Variants in WWOX observed in about 807,000 individuals in gnomAD.
The protein encoded by WWOX is WW domain containing oxidoreductase, also known as WW domain-containing oxidoreductase.
In WWOX, 69 loss-of-function variants were observed where a neutral mutation model predicts 46.2. That is an observed-to-expected ratio of 1.49 (90% CI 1.23 to 1.82). The LOEUF (loss-of-function observed/expected upper bound fraction) is 1.82. Ranked by LOEUF, WWOX falls within the 40% of genes most tolerant of loss-of-function variation. The probability of loss-of-function intolerance (pLI) is 0.00; values close to 1 mark genes in which losing one functional copy is unlikely to be tolerated. For missense variants in WWOX, 919 were observed against 542.6 expected, an observed-to-expected ratio of 1.69 and a Z score of -6.89; for synonymous variants, 359 against 202.6, an observed-to-expected ratio of 1.77 and a Z score of -6.56.
At chr16:78,963,825 C>G (rs921195475) in intron 8 of WWOX, among the ~76,000 whole-genome samples, 8 of 152,142 alleles carry the variant, frequency 5.3e-5, no homozygotes, top group African/African-American at 9.7e-5. Context: ...TAACTTGAAT[C>G]GTATCTCCCA....
rs370782287 is a variant in WWOX at position 79,028,067 on chromosome 16, C to G, written c.1057-183541C>G. On this transcript the variant is annotated intron_variant, in intron 8 of 8. Coordinates refer to ENST00000566780, the MANE Select transcript of WWOX (RefSeq NM_016373.4). ...CCTGGGTTCACGCCATTCTCCTGCT[C>G]TGCCTCCCGAGTAGCTGAGACTACA... Among the ~76,000 whole-genome samples the G allele has an allele frequency of 3.6e-4, 55 of 151,894 alleles. 3 individuals carry two copies. The highest frequency in any genetic ancestry group is 1.2e-3 in the African/African-American group (51 of 41,176).
chr16:78,305,768 G>A (rs1487893858), intron 5 of WWOX, among the ~76,000 whole-genome samples: 1 of 152,208 alleles, frequency 6.6e-6, no homozygotes, highest in African/African-American at 2.4e-5. Context: ...GTTCAAGTTA[G>A]TTTGAAATGA....
chr16:78,809,760 G>A (rs2142700022), intron 8 of WWOX, among the ~76,000 whole-genome samples: 1 of 152,284 alleles, frequency 6.6e-6, no homozygotes, highest in African/African-American at 2.4e-5. Context: ...AGCTTAGCTG[G>A]GACAGGAAGA....
intron 8 of WWOX, among the ~76,000 whole-genome samples, chr16:78,715,222 A>G (rs1164608948): frequency 6.6e-6 from 1 of 152,302 alleles, no homozygotes; most frequent in African/African-American, 2.4e-5. Flanking sequence ...TAAAGAAAAC[A>G]CAAGTAAAGC....
At chr16:78,936,390 G>A (rs2045738022) in intron 8 of WWOX, among the ~76,000 whole-genome samples, 2 of 152,088 alleles carry the variant, frequency 1.3e-5, no homozygotes, top group African/African-American at 4.8e-5. Flanking sequence ...CCCAAGCTTT[G>A]CATGATCTCC....
chr16:78,274,162 TG>T lies in WWOX; in HGVS notation c.516+109874del, dbSNP rs1254227467. Among the ~76,000 whole-genome samples, 103 of 152,246 alleles carry T rather than the reference TG, an allele frequency of 6.8e-4. 2 individuals carry two copies. Among genetic ancestry groups the T allele is most frequent in the Admixed American group, 6.7e-3 (102 of 15,296 alleles). ...GTCTCCCCAAACACTGCTTGCTTTT[TG>T]TTCCTTTCTTGCTCTTCCTTCTGAT... On this transcript the variant is annotated intron_variant, in intron 5 of 8. Transcript: ENST00000566780.
intron 5 of WWOX, among the ~76,000 whole-genome samples, chr16:78,234,271 G>C (rs1200265429): frequency 2.0e-5 from 3 of 152,022 alleles, no homozygotes; most frequent in Non-Finnish European, 2.9e-5. Context: ...TCCAGTCTAG[G>C]TTATTATACT....
chr16:79,211,474 C>A, intron 8 of WWOX, 134 bp from the exon 9 acceptor site: 1 of 1,115,946 alleles, frequency 9.0e-7, no homozygotes, highest in Non-Finnish European at 1.3e-6. Flanking sequence ...AGCCCAGTAC[C>A]CTTTGCTATG....
intron 5 of WWOX, among the ~76,000 whole-genome samples, chr16:78,370,820 C>T (rs1247719264): frequency 1.4e-5 from 2 of 144,080 alleles, no homozygotes; most frequent in East Asian, 2.0e-4. Flanking sequence ...TCTTAACCCC[C>T]TTCCAGTTTT....
chr16:78,704,587 C>T (rs891175797), intron 8 of WWOX, among the ~76,000 whole-genome samples: 1 of 152,096 alleles, frequency 6.6e-6, no homozygotes, highest in Admixed American at 6.6e-5. Context: ...TTTGAAATTT[C>T]CATTAGGAGA....
At chr16:78,363,190 G>T (rs1484881994) in intron 5 of WWOX, among the ~76,000 whole-genome samples, 1 of 152,070 alleles carries the variant, frequency 6.6e-6, no homozygotes, top group East Asian at 1.9e-4. Flanking sequence ...ACCGTGCTGT[G>T]TGAATTGTGG....
intron 8 of WWOX, among the ~76,000 whole-genome samples, chr16:78,536,339 G>GGGTGT (rs2043758559): frequency 6.6e-6 from 1 of 151,948 alleles, no homozygotes; most frequent in African/African-American, 2.4e-5. Flanking sequence ...CCCTCCTGAA[G>GGGTGT]GGTGTGATCA....
intron 8 of WWOX, among the ~76,000 whole-genome samples, chr16:78,790,611 C>G (rs968421434): frequency 1.3e-5 from 2 of 152,188 alleles, no homozygotes; most frequent in Admixed American, 6.5e-5. Flanking sequence ...TGTTTTCTCT[C>G]TGGCAGATTA....
chr16:78,427,836 C>G (rs114302915), intron 7 of WWOX, among the ~76,000 whole-genome samples: 1 of 151,926 alleles, frequency 6.6e-6, no homozygotes, highest in Non-Finnish European at 1.5e-5. Flanking sequence ...CACAGTGTCT[C>G]ACGCCTGTAA....
chr16:78,680,305 A>G (rs2047698907), intron 8 of WWOX, among the ~76,000 whole-genome samples: 1 of 152,106 alleles, frequency 6.6e-6, no homozygotes, highest in Non-Finnish European at 1.5e-5. Flanking sequence ...GCTACTCAGA[A>G]GGCTGAGGTG....
At position 78,775,006 on chromosome 16, in the gene WWOX, T is replaced by A. The variant is rs117710687; in HGVS notation, c.1056+342254T>A. The stretch of plus-strand genomic sequence containing the variant: ...CTGCAGGTAGAACTAGAAAGGTAGG[T>A]AAGTTGGGCAGATGGCGAGAGACAT... On this transcript the variant is annotated intron_variant, in intron 8 of 8. Transcript: ENST00000566780. Among the ~76,000 whole-genome samples, 444 of 152,070 alleles carry A rather than the reference T, an allele frequency of 2.9e-3. 12 individuals are homozygous for A. The East Asian group carries it at 0.064, about 22-fold the overall frequency.
chr16:78,637,031 C>T (rs1247434180), intron 8 of WWOX, among the ~76,000 whole-genome samples: 1 of 152,178 alleles, frequency 6.6e-6, no homozygotes, highest in African/African-American at 2.4e-5. Flanking sequence ...TCAAGCTGTC[C>T]AATCCCTGCT....
chr16:78,933,839 G>A (rs1567659288), intron 8 of WWOX, among the ~76,000 whole-genome samples: 1 of 152,074 alleles, frequency 6.6e-6, no homozygotes, highest in African/African-American at 2.4e-5. Flanking sequence ...GGGAATTGTG[G>A]GAGTTACAAG....
intron 8 of WWOX, among the ~76,000 whole-genome samples, chr16:78,594,364 TTGC>T (rs1234740462): frequency 6.7e-6 from 1 of 148,272 alleles, no homozygotes; most frequent in East Asian, 2.0e-4. Flanking sequence ...ATTCTTGCAT[TTGC>T]TGCAGCAAAA....
Sources: gnomAD v4.1 joint callset for allele counts (sites outside exome capture counted in the v4.1 genomes callset) on GRCh38, gnomAD v4.1.1 for gene constraint, MANE v1.5 for transcripts, NCBI Gene and HGNC (gene_info 2026-07-23, HGNC 2026-07-21) for gene names.